The following ATXN2 variants were observed in gnomAD, a reference collection of about 807,000 sequenced individuals.
ATXN2 encodes the protein ataxin-2.
A neutral mutation model predicts 138.6 loss-of-function variants in ATXN2; 37 were observed. That is an observed-to-expected ratio of 0.27 (90% CI 0.21 to 0.35). The LOEUF is 0.35. ATXN2 is among the 10% of genes least tolerant of loss of function. The pLI is 1.00. For missense variants in ATXN2, 1,216 were observed against 1,480.3 expected (o/e 0.82, Z 2.93); for synonymous variants, 549 against 543.7 (o/e 1.01, Z -0.13).
At chr12:111,587,116 C>T (rs1335757945) in intron 1 of ATXN2, among the ~76,000 whole-genome samples, 4 of 147,352 alleles carry the variant, frequency 2.7e-5, no homozygotes, top group African/African-American at 9.9e-5. Context: ...CTAAAATCTG[C>T]TCAAGCTTCA....
At chr12:111,545,578 G>GA (rs1299915117) in intron 5 of ATXN2, among the ~76,000 whole-genome samples, 1 of 151,758 alleles carries the variant, frequency 6.6e-6, no homozygotes, top group Non-Finnish European at 1.5e-5. Flanking sequence ...AAAAGAAAAA[G>GA]AAAAAGAGAA....
At chr12:111,539,608 G>A (rs1592878586) in intron 5 of ATXN2, among the ~76,000 whole-genome samples, 2 of 149,494 alleles carry the variant, frequency 1.3e-5, no homozygotes, top group Non-Finnish European at 3.0e-5. Flanking sequence ...TTAGCCGGGC[G>A]CTGTGGCGGG....
chr12:111,453,940 A>G lies in ATXN2; in HGVS notation c.3271-95T>C. ...TTTCACTGGGCTGGGACTCTCAGGA[A>G]AGGGCAACGGTGGGCCTCAGGGCCC... On this transcript the variant is annotated intron_variant, in intron 23 of 24. Coordinates refer to ENST00000673436, the MANE Select transcript of ATXN2 (RefSeq NM_001372574.1). This position sits in a 1 kb window ranked among gnomAD's most constrained non-coding sequence, Gnocchi z 5.4. 7.5e-7 allele frequency: 1 copy of G among 1,331,488 alleles called. No homozygotes were observed. The highest frequency in any genetic ancestry group is 1.0e-6 in the Non-Finnish European group (1 of 972,750). 82.5% of individuals were successfully genotyped at this position (1,331,488 alleles called of 1,614,324 possible).
At chr12:111,595,468 C>CTTG (rs1884888070) in intron 1 of ATXN2, among the ~76,000 whole-genome samples, 6 of 151,404 alleles carry the variant, frequency 4.0e-5, no homozygotes, top group African/African-American at 1.2e-4. Context: ...ATGGTGAAAC[C>CTTG]TTGTCTCTAC....
intron 5 of ATXN2, among the ~76,000 whole-genome samples, chr12:111,547,721 G>A (rs1317506819): frequency 1.1e-4 from 15 of 139,590 alleles, no homozygotes; most frequent in African/African-American, 1.6e-4. Context: ...GCAAAACTCC[G>A]TCCCAAGGAA....
intron 1 of ATXN2, chr12:111,564,855 A>G (rs1882903578): frequency 6.6e-6 from 1 of 152,232 alleles, no homozygotes; most frequent in Admixed American, 6.5e-5. Context: ...AAAACCTGCT[A>G]GACAAATTCT....
chr12:111,485,623 C>T, intron 17 of ATXN2, 90 bp downstream of exon 17: 1 of 1,485,352 alleles, frequency 6.7e-7, no homozygotes, highest in Non-Finnish European at 9.2e-7. Flanking sequence ...ATAACCATCA[C>T]ACCCTCAAGT....
chr12:111,575,415 G>A (rs1362990938), intron 1 of ATXN2, among the ~76,000 whole-genome samples: 1 of 151,908 alleles, frequency 6.6e-6, no homozygotes, highest in East Asian at 1.9e-4. Context: ...TTGAACTCCT[G>A]GCCCTTCCCA....
At chr12:111,514,783 T>G (rs557355854) in intron 10 of ATXN2, among the ~76,000 whole-genome samples, 8 of 152,306 alleles carry the variant, frequency 5.3e-5, no homozygotes, top group African/African-American at 1.9e-4. Context: ...CCACCATGCC[T>G]GGCTTCCAAC....
intron 5 of ATXN2, among the ~76,000 whole-genome samples, chr12:111,528,354 G>A (rs1222125890): frequency 6.6e-6 from 1 of 152,074 alleles, no homozygotes; most frequent in African/African-American, 2.4e-5. Context: ...ACACAAAGTA[G>A]CTTAAATATG....
chr12:111,573,060 T>C (rs1315261565), intron 1 of ATXN2, among the ~76,000 whole-genome samples: 2 of 151,840 alleles, frequency 1.3e-5, no homozygotes, highest in Non-Finnish European at 2.9e-5. Flanking sequence ...AAAAAAAAAA[T>C]TATAAACAAA....
intron 18 of ATXN2, among the ~76,000 whole-genome samples, chr12:111,483,016 A>G (rs919079059): frequency 6.6e-6 from 1 of 151,706 alleles, no homozygotes; most frequent in African/African-American, 2.4e-5. Context: ...GGCAAAACCC[A>G]TCTCTACAAA....
rs888868041 is a variant in ATXN2 at position 111,502,248 on chromosome 12, T to C, written c.1935+7301A>G. 3.3e-5 allele frequency among the ~76,000 whole-genome samples: 5 copies of C among 152,266 alleles called. No individual in the cohort carries two copies. The East Asian group carries it at 7.7e-4, about 24-fold the overall frequency. On this transcript the variant is annotated intron_variant, in intron 14 of 24. Coordinates refer to ENST00000673436, the MANE Select transcript of ATXN2 (RefSeq NM_001372574.1). ...TCATTTAGTCTTCACAACAGCCCTA[T>C]TTGATGTAGATACTATTATTGCCAT...
chr12:111,469,242 C>T (rs550403854), intron 20 of ATXN2: 1 of 152,232 alleles, frequency 6.6e-6, no homozygotes, highest in Admixed American at 6.5e-5. Context: ...GAAAACTAAA[C>T]GACACTACGG....
chr12:111,571,695 C>A (rs1452576334), intron 1 of ATXN2, among the ~76,000 whole-genome samples: 1 of 152,202 alleles, frequency 6.6e-6, no homozygotes, highest in South Asian at 2.1e-4. Context: ...TTTCACATGG[C>A]TTAAAGCTCA....
intron 23 of ATXN2, chr12:111,455,252 C>A: frequency 1.5e-6 from 1 of 650,950 alleles, no homozygotes; most frequent in Non-Finnish European, 2.8e-6. Context: ...GGCCTCAAGG[C>A]CAGCGTTAGA....
intron 20 of ATXN2, among the ~76,000 whole-genome samples, chr12:111,466,430 G>A (rs769330531): frequency 6.6e-6 from 1 of 151,980 alleles, no homozygotes; most frequent in Non-Finnish European, 1.5e-5. Context: ...GAACGCAGGA[G>A]GCGGAGCGTG....
chr12:111,494,246 T>A (rs1878258948), intron 14 of ATXN2, among the ~76,000 whole-genome samples: 1 of 151,918 alleles, frequency 6.6e-6, no homozygotes, highest in Non-Finnish European at 1.5e-5. Flanking sequence ...TACAGTTTTT[T>A]AAGACATAGT....
At position 111,499,773 on chromosome 12, in the gene ATXN2, T is replaced by C. The variant is rs11065930; in HGVS notation, c.1935+9776A>G. Among the ~76,000 whole-genome samples the C allele has an allele frequency of 2.6e-5, 4 of 151,984 alleles. No homozygotes were observed. In the East Asian group the frequency reaches 5.8e-4, roughly 22 times the overall value. On this transcript the variant is annotated intron_variant, in intron 14 of 24. Coordinates refer to ENST00000673436, the MANE Select transcript of ATXN2 (RefSeq NM_001372574.1). Reference sequence around the variant, plus strand: ...ATTTTGGGAAGCCAAGGTGGGAGGATTGCTTGAGCCCAGGAGTTCGAGACC... The same window carrying C: ...ATTTTGGGAAGCCAAGGTGGGAGGACTGCTTGAGCCCAGGAGTTCGAGACC...
Sources: allele counts gnomAD v4.1 joint callset (sites outside exome capture counted in the v4.1 genomes callset), GRCh38; gene constraint gnomAD v4.1.1; non-coding constraint Gnocchi (gnomAD v3.1); transcripts MANE v1.5; gene names NCBI Gene and HGNC (gene_info 2026-07-23, HGNC 2026-07-21).